The following ATP11A variants were observed in gnomAD, a reference collection of about 807,000 sequenced individuals.
ATP11A encodes phospholipid-transporting ATPase IH.
In ATP11A, 81 loss-of-function variants were observed where a neutral mutation model predicts 154.4. The ratio of observed to expected loss-of-function variants is 0.52; its 90% CI spans 0.44 to 0.63. ATP11A has a LOEUF of 0.63. Among genes scored for constraint, ATP11A ranks in the 30% least tolerant of loss-of-function variants. The pLI is 0.00. For synonymous variants in ATP11A, 623 were observed against 585.9 expected (o/e 1.06, Z -0.91); for missense variants, 1,316 against 1,474.3 (o/e 0.89, Z 1.76).
Position 112,881,899 on chromosome 13 carries a change from T to A in ATP11A, c.*33T>A. ...AGAGCCCAGGCTACCAGAGCACCTG[T>A]CCCTCGGCCGCCTGGTACAGCTCCC... On this transcript the variant is annotated 3_prime_UTR_variant, in exon 30 of 30. Coordinates refer to ENST00000375645, the MANE Select transcript of ATP11A (RefSeq NM_015205.3). 1.5e-6 allele frequency: 2 copies of A among 1,367,728 alleles called. No homozygotes were observed. Among genetic ancestry groups the A allele is most frequent in the Non-Finnish European group, 2.0e-6 (2 of 1,021,972 alleles). The allele number at this position is 1,367,728 out of a possible 1,614,324, so 84.7% of individuals were successfully genotyped here.
intron 1 of ATP11A, among the ~76,000 whole-genome samples, chr13:112,768,048 CG>C (rs1188600293): frequency 1.3e-5 from 2 of 152,222 alleles, no homozygotes; most frequent in African/African-American, 4.8e-5. Flanking sequence ...CCCTGGGATC[CG>C]TGTCCTCCTG....
At chr13:112,809,629 T>C (rs1594767378) in intron 4 of ATP11A, among the ~76,000 whole-genome samples, 1 of 152,176 alleles carries the variant, frequency 6.6e-6, no homozygotes, top group Non-Finnish European at 1.5e-5. Context: ...GTGGCAGAGC[T>C]GTGTTTCCAA....
rs112805936 is a variant in ATP11A at position 112,785,943 on chromosome 13, G to T, written c.162+686G>T. On this transcript the variant is annotated intron_variant, in intron 2 of 29. Coordinates refer to ENST00000375645, the MANE Select transcript of ATP11A (RefSeq NM_015205.3). The surrounding 1 kb of genome is among the most constrained non-coding windows in gnomAD (Gnocchi z 4.8). Reference sequence around the variant, plus strand: ...TGCGGAACGCACGTGCCTGCGTTCAGACTCCATTTATCTTCACCGTCCTTC... The same window carrying T: ...TGCGGAACGCACGTGCCTGCGTTCATACTCCATTTATCTTCACCGTCCTTC... Among the ~76,000 whole-genome samples the T allele has an allele frequency of 4.9e-4, 71 of 145,398 alleles. No homozygotes were observed. The highest frequency in any genetic ancestry group is 3.7e-3 in the Middle Eastern group (1 of 268).
chr13:112,868,288 C>CATG (rs1225029202), intron 25 of ATP11A, among the ~76,000 whole-genome samples: 3 of 152,342 alleles, frequency 2.0e-5, no homozygotes, highest in African/African-American at 7.2e-5. Flanking sequence ...GGATGCCACT[C>CATG]ATGACCGTGA....
chr13:112,751,760 T>TA (rs2076698638), intron 1 of ATP11A, among the ~76,000 whole-genome samples: 1 of 148,698 alleles, frequency 6.7e-6, no homozygotes, highest in African/African-American at 2.4e-5. Flanking sequence ...GACAGGGTCT[T>TA]ACTCTGTCAC....
intron 16 of ATP11A, among the ~76,000 whole-genome samples, chr13:112,836,885 G>A (rs1003756284): frequency 6.6e-6 from 1 of 152,196 alleles, no homozygotes; most frequent in East Asian, 1.9e-4. Flanking sequence ...CCCTGTCCCT[G>A]ACGATTGCCT....
intron 1 of ATP11A, among the ~76,000 whole-genome samples, chr13:112,763,670 C>G (rs1414868500): frequency 6.6e-6 from 1 of 152,174 alleles, no homozygotes; most frequent in Admixed American, 6.5e-5. Context: ...CATGGAGGAA[C>G]CTTGGCTTCC....
Position 112,810,700 on chromosome 13 carries a change from G to T in ATP11A, c.415G>T (p.Val139Phe), listed in dbSNP as rs754791463. 2 of 1,614,110 alleles carry T rather than the reference G, an allele frequency of 1.2e-6. No individual in the cohort carries two copies. Among genetic ancestry groups the T allele is most frequent in the Non-Finnish European group, 8.5e-7 (1 of 1,180,018 alleles). ...PVHFIQHGKLVRKQSRKLRVG... is the reference protein window; with the variant it reads ...PVHFIQHGKLFRKQSRKLRVG... ...TCATTTCATTCAGCACGGCAAGCTCGTTCGGAAACAAAGTCGAAAGCTGCG... is the reference window on the plus strand; with the variant it reads ...TCATTTCATTCAGCACGGCAAGCTCTTTCGGAAACAAAGTCGAAAGCTGCG... Residue 139 changes from valine (V) to phenylalanine (F), a missense_variant, in exon 5 of 30, where the codon GTT becomes TTT. Physicochemically the swap from Val to Phe is conservative, Grantham distance 50. Transcript: ENST00000375645.
intron 1 of ATP11A, chr13:112,717,278 T>C (rs2139607717): frequency 6.6e-6 from 1 of 152,340 alleles, no homozygotes; most frequent in African/African-American, 2.4e-5. Context: ...CATAATACTT[T>C]TTCTCCTAAT....
At chr13:112,801,782 C>T (rs564539448) in intron 2 of ATP11A, among the ~76,000 whole-genome samples, 2 of 152,332 alleles carry the variant, frequency 1.3e-5, no homozygotes, top group African/African-American at 2.4e-5. Flanking sequence ...AAATCAAAGA[C>T]TTAAATTAAT....
chr13:112,729,617 G>A (rs75316540), intron 1 of ATP11A, among the ~76,000 whole-genome samples: 2,334 of 152,302 alleles, frequency 0.015, 75 homozygotes, highest in African/African-American at 0.053. Context: ...CCCCCACCTC[G>A]GCATTGCGGA....
intron 1 of ATP11A, among the ~76,000 whole-genome samples, chr13:112,725,265 G>T (rs76761011): frequency 6.6e-6 from 1 of 152,318 alleles, no homozygotes; most frequent in East Asian, 1.9e-4. Flanking sequence ...GACCTCCCAT[G>T]GCCAAGGTGA....
In ATP11A at chr13:112,855,314, G is replaced by C. The variant is rs1478082400; in HGVS notation, c.2244-597G>C. ...CCTCCCAGGTTCAAACAATTCTCCTGCCTCAGCTTCCCAAGTAGCTGGGAT... is the reference window on the plus strand; with the variant it reads ...CCTCCCAGGTTCAAACAATTCTCCTCCCTCAGCTTCCCAAGTAGCTGGGAT... On this transcript the variant is annotated intron_variant, in intron 19 of 29. Coordinates refer to ENST00000375645, the MANE Select transcript of ATP11A (RefSeq NM_015205.3). Among the ~76,000 whole-genome samples, 10 of 152,238 alleles carry C rather than the reference G, an allele frequency of 6.6e-5. No individual in the cohort carries two copies. In the East Asian group the frequency reaches 1.9e-3, roughly 29 times the overall value.
chr13:112,692,591 A>G (rs1594299160), intron 1 of ATP11A, among the ~76,000 whole-genome samples: 3 of 152,320 alleles, frequency 2.0e-5, no homozygotes, highest in African/African-American at 7.2e-5. Context: ...AGCGGTAAAT[A>G]TTCTTTAGTG....
chr13:112,771,732 C>T (rs1386237557), intron 1 of ATP11A, among the ~76,000 whole-genome samples: 5 of 152,176 alleles, frequency 3.3e-5, no homozygotes, highest in Non-Finnish European at 5.9e-5. Flanking sequence ...GTCCCAGCCG[C>T]GGGCACACAG....
rs886366982 is a variant in ATP11A at position 112,882,295 on chromosome 13, T to C, written c.*429T>C. ...TGCAGAGGCCATTCCCCCAGGCCTG[T>C]GTCTTCACCCACCTGCCATCATTGG... is the stretch of plus-strand genomic sequence containing the variant. On this transcript the variant is annotated 3_prime_UTR_variant, in exon 30 of 30. Coordinates refer to ENST00000375645, the MANE Select transcript of ATP11A (RefSeq NM_015205.3). The surrounding 1 kb of genome is among the most constrained non-coding windows in gnomAD (Gnocchi z 5.1). 1.7e-5 allele frequency: 7 copies of C among 421,294 alleles called. No individual in the cohort carries two copies. Among genetic ancestry groups the C allele is most frequent in the Non-Finnish European group, 2.9e-5 (7 of 240,706 alleles). 26.1% of individuals were successfully genotyped at this position (421,294 alleles called of 1,614,324 possible).
At chr13:112,806,703 G>A (rs1242693948) in intron 4 of ATP11A, among the ~76,000 whole-genome samples, 2 of 151,948 alleles carry the variant, frequency 1.3e-5, no homozygotes, top group African/African-American at 4.8e-5. Context: ...AGTAAATAAG[G>A]CCAGTGACTA....
rs112211430 is a variant in ATP11A, at chr13:112,781,071, C to T, written c.40-4064C>T. On this transcript the variant is annotated intron_variant, in intron 1 of 29. Coordinates refer to ENST00000375645, the MANE Select transcript of ATP11A (RefSeq NM_015205.3). ...TGTTCGTTTGTTTGAGACGGAGCCT[C>T]GGTCTGTCATCCAGGCTGGAGAGCA... is the stretch of plus-strand genomic sequence containing the variant. Among the ~76,000 whole-genome samples, 496 of 152,248 alleles carry T rather than the reference C, an allele frequency of 3.3e-3. 2 individuals are homozygous for T. Among genetic ancestry groups the T allele is most frequent in the African/African-American group, 0.011 (468 of 41,536 alleles).
intron 1 of ATP11A, among the ~76,000 whole-genome samples, chr13:112,737,154 A>C (rs763002356): frequency 5.3e-5 from 8 of 152,230 alleles, no homozygotes; most frequent in Non-Finnish European, 1.0e-4. Context: ...CCAGACAGGA[A>C]GAGTATGTTA....
Sources: allele counts gnomAD v4.1 joint callset (sites outside exome capture counted in the v4.1 genomes callset), GRCh38; gene constraint gnomAD v4.1.1; non-coding constraint Gnocchi (gnomAD v3.1); transcripts MANE v1.5; gene names NCBI Gene and HGNC (gene_info 2026-07-23, HGNC 2026-07-21).